SH2D1B: variants seen among roughly 807,000 people sequenced by gnomAD.
SH2D1B encodes the protein SH2 domain containing 1B, also known as SH2 domain-containing protein 1B.
SH2D1B carries 11 observed loss-of-function variants against 16.3 expected under a neutral mutation model. That is an observed-to-expected ratio of 0.67 (90% CI 0.42 to 1.11). The LOEUF is 1.11. SH2D1B is among the 50% of genes most tolerant of loss of function. The pLI is 0.00. For missense variants in SH2D1B, 123 were observed against 153.1 expected (o/e 0.80, Z 1.04); for synonymous variants, 55 against 56.1 (o/e 0.98, Z 0.09).
chr1:162,400,913 A>C (rs2101858801), intron 2 of SH2D1B, among the ~76,000 whole-genome samples: 1 of 152,184 alleles, frequency 6.6e-6, no homozygotes, highest in Non-Finnish European at 1.5e-5. Context: ...ACGCCACTGC[A>C]CTCCAGTCTG....
At chr1:162,398,869 A>G in intron 3 of SH2D1B, 54 bp downstream of exon 3, 4 of 1,554,444 alleles carry the variant, frequency 2.6e-6, no homozygotes, top group Non-Finnish European at 3.5e-6. Context: ...AAAGTAAGGC[A>G]TTGGTGGAAA....
chr1:162,397,393 G>T, intron 3 of SH2D1B, 78 bp from the exon 4 acceptor site: 1 of 1,498,144 alleles, frequency 6.7e-7, no homozygotes, highest in Non-Finnish European at 9.3e-7. Flanking sequence ...CCACTCAAAG[G>T]AAAGAAGACC....
chr1:162,398,852 A>G, intron 3 of SH2D1B, 71 bp downstream of exon 3: 1 of 1,490,426 alleles, frequency 6.7e-7, no homozygotes, highest in Non-Finnish European at 9.1e-7. Context: ...GTCTGTATTG[A>G]GTTTACAAAG....
Position 162,402,782 on chromosome 1 carries a change from G to C in SH2D1B, c.155C>G (p.Thr52Arg). ...GTGTTTCTCTCTGAAGATTCGGTATGTGTAGACAATATTTTTAAACCTGTG... is the reference window on the plus strand; with the variant it reads ...GTGTTTCTCTCTGAAGATTCGGTATCTGTAGACAATATTTTTAAACCTGTG... Reference protein sequence around the residue: ...LCVSFKNIVYTYRIFREKHGY... With the variant: ...LCVSFKNIVYRYRIFREKHGY... Residue 52 changes from threonine to arginine, a missense_variant, in exon 2 of 4, where the codon ACA becomes AGA. Transcript: ENST00000367929. The C allele has an allele frequency of 6.2e-7, 1 of 1,613,842 alleles. No homozygotes were observed. Among genetic ancestry groups the C allele is most frequent in the Non-Finnish European group, 8.5e-7 (1 of 1,179,746 alleles).
rs138928076 is a variant in SH2D1B at position 162,399,352 on chromosome 1, A to G, written c.199-265T>C. ...TATCAAGTGAACCCCATCCTTGGGA[A>G]GTTTACCTGGGGCAGTTCTCGCAGA... On this transcript the variant is annotated intron_variant, in intron 2 of 3. Transcript: ENST00000367929. Among the ~76,000 whole-genome samples, 705 of 152,258 alleles carry G rather than the reference A, an allele frequency of 4.6e-3. 2 individuals are homozygous for G. The highest frequency in any genetic ancestry group is 0.014 in the Middle Eastern group (4 of 292).
At chr1:162,397,967 G>C (rs1648421112) in intron 3 of SH2D1B, among the ~76,000 whole-genome samples, 1 of 152,166 alleles carries the variant, frequency 6.6e-6, no homozygotes, top group Non-Finnish European at 1.5e-5. Flanking sequence ...TATAGAAAGT[G>C]ATTTTTTTGT....
At chr1:162,404,188 T>G (rs1005471026) in intron 1 of SH2D1B, among the ~76,000 whole-genome samples, 11 of 152,064 alleles carry the variant, frequency 7.2e-5, no homozygotes, top group Admixed American at 5.9e-4. Flanking sequence ...ATACAAAAAT[T>G]TGCTGGGTGT....
chr1:162,402,525 C>A (rs568414739), intron 2 of SH2D1B: 6 of 452,766 alleles, frequency 1.3e-5, no homozygotes, highest in African/African-American at 8.0e-5. Flanking sequence ...CTAAAAAAAA[C>A]AAAACAACAA....
Position 162,396,230 on chromosome 1 carries a change from A to G in SH2D1B, c.*1050T>C, listed in dbSNP as rs1648372691. ...GGGTGAAATACATTACTACAATTTG[A>G]TGATAGGTAAGAGAAAGGGCATAGA... is the stretch of plus-strand genomic sequence containing the variant. On this transcript the variant is annotated 3_prime_UTR_variant, in exon 4 of 4. Coordinates refer to ENST00000367929, the MANE Select transcript of SH2D1B (RefSeq NM_053282.5). The G allele has an allele frequency of 6.6e-6, 1 of 152,218 alleles. No homozygotes were observed. The highest frequency in any genetic ancestry group is 1.5e-5 in the Non-Finnish European group (1 of 68,054). 9.4% of individuals were successfully genotyped at this position (152,218 alleles called of 1,614,324 possible).
intron 2 of SH2D1B, among the ~76,000 whole-genome samples, chr1:162,401,284 G>A (rs1194574125): frequency 7.9e-5 from 12 of 151,788 alleles, no homozygotes; most frequent in Admixed American, 7.9e-4. Flanking sequence ...GACAAAACAG[G>A]GTACTGAGGA....
intron 1 of SH2D1B, 45 bp downstream of exon 1, chr1:162,411,838 C>T (rs1309146198): frequency 1.9e-6 from 3 of 1,612,632 alleles, no homozygotes; most frequent in East Asian, 2.2e-5. Context: ...GCCATTGCCA[C>T]ATTCAACATA....
At position 162,412,003 on chromosome 1, in the gene SH2D1B, T is replaced by C. The variant is rs1648808869; in HGVS notation, c.14A>G (p.Tyr5Cys). 1 of 1,614,134 alleles carries C rather than the reference T, an allele frequency of 6.2e-7. No individual in the cohort carries two copies. The highest frequency in any genetic ancestry group is 8.5e-7 in the Non-Finnish European group (1 of 1,180,014). ...TTGCTTGGTCAGACGTCCATGGTAG[T>C]AAGGCAGATCCATGGAGAACGCTCT... MDLP[Y>C]YHGRLTKQDC... Residue 5 changes from tyrosine (Y) to cysteine (C), a missense_variant, in exon 1 of 4, where the codon TAC (tyrosine) becomes TGC (cysteine). By Grantham distance (194) the Tyr-to-Cys change is radical. Coordinates refer to ENST00000367929, the MANE Select transcript of SH2D1B (RefSeq NM_053282.5).
chr1:162,411,505 A>G (rs1489568111), intron 1 of SH2D1B, among the ~76,000 whole-genome samples: 3 of 152,202 alleles, frequency 2.0e-5, no homozygotes, highest in Non-Finnish European at 4.4e-5. Flanking sequence ...AGTGTTTCAG[A>G]TTGAAATTTC....
chr1:162,397,446 T>C (rs1409437075), intron 3 of SH2D1B, 131 bp from the exon 4 acceptor site: 1 of 865,476 alleles, frequency 1.2e-6, no homozygotes, highest in East Asian at 2.5e-5. Flanking sequence ...CTGAAAGTTG[T>C]ATCTTTAAAG....
intron 1 of SH2D1B, among the ~76,000 whole-genome samples, chr1:162,404,848 G>A (rs1270497188): frequency 6.6e-6 from 1 of 152,198 alleles, no homozygotes; most frequent in African/African-American, 2.4e-5. Context: ...ATGCCCATGG[G>A]AATAGTGAGA....
chr1:162,410,358 C>T (rs1345479822), intron 1 of SH2D1B, among the ~76,000 whole-genome samples: 1 of 152,214 alleles, frequency 6.6e-6, no homozygotes, highest in East Asian at 1.9e-4. Context: ...TTCTGTGCCG[C>T]AAGAGCTCAT....
At chr1:162,410,865 A>T (rs1648778506) in intron 1 of SH2D1B, among the ~76,000 whole-genome samples, 2 of 151,772 alleles carry the variant, frequency 1.3e-5, no homozygotes, top group South Asian at 2.1e-4. Flanking sequence ...CGTGTTGGTC[A>T]GGCTGGTCTC....
rs1571270378 is a variant in SH2D1B at position 162,397,376 on chromosome 1, A to C, written c.364-61T>G. 4.4e-6 allele frequency: 7 copies of C among 1,583,920 alleles called. No homozygotes were observed. The East Asian group carries it at 1.6e-4, about 35-fold the overall frequency. ...GAGACCACACCCAGAAGTCATATCA[A>C]ACAACCCCACTCAAAGGAAAGAAGA... is the stretch of plus-strand genomic sequence containing the variant. On this transcript the variant is annotated intron_variant, in intron 3 of 3. Coordinates refer to ENST00000367929, the MANE Select transcript of SH2D1B (RefSeq NM_053282.5).
intron 1 of SH2D1B, among the ~76,000 whole-genome samples, chr1:162,403,070 G>A (rs1401428641): frequency 1.3e-5 from 2 of 151,922 alleles, no homozygotes; most frequent in Non-Finnish European, 2.9e-5. Context: ...CATCATGCCC[G>A]TTAGAATGGC....
Sources: allele counts gnomAD v4.1 joint callset (sites outside exome capture counted in the v4.1 genomes callset), GRCh38; gene constraint gnomAD v4.1.1; transcripts MANE v1.5; gene names NCBI Gene and HGNC (gene_info 2026-07-23, HGNC 2026-07-21).